Variants in UGT1A10 observed in about 807,000 individuals in gnomAD.
UGT1A10 encodes the protein UDP glucuronosyltransferase family 1 member A10, also known as UDP-glucuronosyltransferase 1A10.
A neutral mutation model predicts 45.8 loss-of-function variants in UGT1A10; 49 were observed. The observed-to-expected ratio is 1.07, with a 90% confidence interval of 0.85 to 1.36. The LOEUF is 1.36. UGT1A10 is among the 40% of genes most tolerant of loss of function. The pLI is 0.00. For synonymous variants in UGT1A10, 284 were observed against 249.7 expected, an observed-to-expected ratio of 1.14 and a Z score of -1.29; for missense variants, 745 against 668.6, an observed-to-expected ratio of 1.11 and a Z score of -1.26.
In UGT1A10 at chr2:233,769,922, G is replaced by A. The variant is rs1699984157; in HGVS notation, c.1295+1483G>A. On this transcript the variant is annotated intron_variant, in intron 4 of 4. Coordinates refer to ENST00000344644, the MANE Select transcript of UGT1A10 (RefSeq NM_019075.4). The surrounding 1 kb of genome is among the most constrained non-coding windows in gnomAD (Gnocchi z 4.4). ...CATCATGTGCCCAGAGCGTTGGGTG[G>A]TGTGGTCCCATTCCTTCCTTCCAGC... 2 of 270,870 alleles carry A rather than the reference G, an allele frequency of 7.4e-6. No homozygotes were observed. The highest frequency in any genetic ancestry group is 1.5e-4 in the South Asian group (2 of 13,602). 16.8% of individuals were successfully genotyped at this position (270,870 alleles called of 1,614,324 possible). A position where few individuals can be genotyped will look rare whatever the true frequency, so the allele number is the denominator to read the frequency against.
chr2:233,646,088 C>T (rs1161257346), intron 1 of UGT1A10, among the ~76,000 whole-genome samples: 2 of 152,222 alleles, frequency 1.3e-5, no homozygotes, highest in African/African-American at 2.4e-5. Flanking sequence ...AGTCTCAACC[C>T]CACATGGAAG....
chr2:233,690,760 TACAC>T (rs899779207), intron 1 of UGT1A10: 3 of 905,494 alleles, frequency 3.3e-6, no homozygotes, highest in South Asian at 2.8e-5. Flanking sequence ...AGTGCAGACA[TACAC>T]ACACACACAC....
At chr2:233,749,443 T>C (rs551988322) in intron 1 of UGT1A10, among the ~76,000 whole-genome samples, 4 of 151,902 alleles carry the variant, frequency 2.6e-5, no homozygotes, top group Non-Finnish European at 5.9e-5. Flanking sequence ...GTCATCTCAG[T>C]GGAGCAGAAC....
intron 1 of UGT1A10, among the ~76,000 whole-genome samples, chr2:233,716,593 A>G (rs17874943): frequency 0.1 from 15,436 of 152,206 alleles, 900 homozygotes; most frequent in East Asian, 0.2. Flanking sequence ...AAGAGCAAAA[A>G]TTTTAGAATT....
At chr2:233,742,134 C>A (rs1691883024) in intron 1 of UGT1A10, among the ~76,000 whole-genome samples, 1 of 151,870 alleles carries the variant, frequency 6.6e-6, no homozygotes, top group South Asian at 2.1e-4. Context: ...AGACCCTAAC[C>A]CAGCAGCGCT....
intron 1 of UGT1A10, among the ~76,000 whole-genome samples, chr2:233,711,248 G>C (rs561495182): frequency 6.6e-6 from 1 of 152,206 alleles, no homozygotes; most frequent in Non-Finnish European, 1.5e-5. Context: ...CATCTTCCAA[G>C]ATACATGGGC....
At chr2:233,717,798 C>T (rs528751342) in intron 1 of UGT1A10, 2 of 456,098 alleles carry the variant, frequency 4.4e-6, no homozygotes, top group East Asian at 6.9e-5. Flanking sequence ...TGAAGTAGTG[C>T]CCCCACAAAT....
intron 1 of UGT1A10, among the ~76,000 whole-genome samples, chr2:233,748,968 G>A (rs1280348078): frequency 6.6e-6 from 1 of 151,594 alleles, no homozygotes; most frequent in Admixed American, 6.6e-5. Flanking sequence ...TTTCTATAGT[G>A]GGATCTACTT....
intron 1 of UGT1A10, chr2:233,743,522 T>C: frequency 7.3e-7 from 1 of 1,367,282 alleles, no homozygotes; most frequent in Non-Finnish European, 9.8e-7. Flanking sequence ...CTGCTTCTGC[T>C]TCCCCAGCAG....
intron 1 of UGT1A10, chr2:233,682,767 G>A: frequency 6.2e-7 from 1 of 1,613,624 alleles, no homozygotes. Context: ...GGTATCAACT[G>A]TCATCAGGGA....
chr2:233,689,778 T>C (rs192749623), intron 1 of UGT1A10: 1 of 339,482 alleles, frequency 2.9e-6, no homozygotes, highest in East Asian at 9.6e-5. Flanking sequence ...CGGGGACATA[T>C]GTTATGATGT....
At chr2:233,637,780 C>T (rs1434843502) in intron 1 of UGT1A10, among the ~76,000 whole-genome samples, 2 of 152,078 alleles carry the variant, frequency 1.3e-5, no homozygotes. Flanking sequence ...TGTAAGTTCC[C>T]ATACCTATTT....
Position 233,724,804 on chromosome 2 carries a change from G to A in UGT1A10, c.856-42230G>A, listed in dbSNP as rs1450931342. ...TCACTTCCCAGACGGGGTGGCGGCCGGGCAGAGGCTGCAATCTCGGCACTT... is the reference window on the plus strand; with the variant it reads ...TCACTTCCCAGACGGGGTGGCGGCCAGGCAGAGGCTGCAATCTCGGCACTT... On this transcript the variant is annotated intron_variant, in intron 1 of 4. Coordinates refer to ENST00000344644, the MANE Select transcript of UGT1A10 (RefSeq NM_019075.4). 4.1e-4 allele frequency among the ~76,000 whole-genome samples: 57 copies of A among 138,728 alleles called. 3 individuals are homozygous for A. Among genetic ancestry groups the A allele is most frequent in the Non-Finnish European group, 8.3e-4 (54 of 64,962 alleles). The allele number at this position is 138,728 out of a possible 152,430, so 91.0% of individuals were successfully genotyped here. A position where few individuals can be genotyped will look rare whatever the true frequency, so the allele number is the denominator to read the frequency against.
rs1450020479 is a variant in UGT1A10, at chr2:233,719,077, A to G, written c.856-47957A>G. ...ACAGCCTATGCTGTTCCATGGACCC[A>G]GAAGGAATTTGATCGCGTTACGCTG... On this transcript the variant is annotated intron_variant, in intron 1 of 4. Transcript: ENST00000344644. The G allele has an allele frequency of 3.3e-5, 54 of 1,614,166 alleles. No individual in the cohort carries two copies. The highest frequency in any genetic ancestry group is 4.4e-5 in the Non-Finnish European group (52 of 1,180,062).
chr2:233,719,325 G>C (rs771082212), intron 1 of UGT1A10: 3 of 1,613,936 alleles, frequency 1.9e-6, no homozygotes, highest in South Asian at 1.1e-5. Context: ...GTCGATTCCT[G>C]CTGTGTTTTT....
intron 1 of UGT1A10, chr2:233,691,405 T>C: frequency 1.0e-6 from 1 of 985,594 alleles, no homozygotes; most frequent in Non-Finnish European, 1.2e-6. Context: ...GCCCTGTCCT[T>C]GGAGTGGCCC....
At chr2:233,746,286 G>A (rs1374817332) in intron 1 of UGT1A10, among the ~76,000 whole-genome samples, 1 of 151,716 alleles carries the variant, frequency 6.6e-6, no homozygotes, top group Non-Finnish European at 1.5e-5. Context: ...TTCAAGGAAG[G>A]TGGCTTTGTT....
intron 1 of UGT1A10, among the ~76,000 whole-genome samples, chr2:233,726,630 ATC>A (rs1038498407): frequency 3.9e-5 from 6 of 152,270 alleles, no homozygotes; most frequent in African/African-American, 1.2e-4. Context: ...ACCCAGGACA[ATC>A]TCCCCATCTT....
At chr2:233,648,685 C>T (rs1421961584) in intron 1 of UGT1A10, 4 of 353,834 alleles carry the variant, frequency 1.1e-5, no homozygotes, top group Admixed American at 3.3e-5. Flanking sequence ...AGGATGGTCT[C>T]GATCTCCTAA....
Sources: allele counts gnomAD v4.1 joint callset (sites outside exome capture counted in the v4.1 genomes callset), GRCh38; gene constraint gnomAD v4.1.1; non-coding constraint Gnocchi (gnomAD v3.1); transcripts MANE v1.5; gene names NCBI Gene and HGNC (gene_info 2026-07-23, HGNC 2026-07-21).